POLH: variants seen among roughly 807,000 people sequenced by gnomAD.
POLH encodes DNA polymerase eta transcript.
Under a neutral mutation model 73.6 loss-of-function variants are expected in POLH, and 53 were observed. The ratio of observed to expected loss-of-function variants is 0.72; its 90% CI spans 0.58 to 0.91. The LOEUF is 0.91. Ranked by LOEUF, POLH falls within the 40% of genes least tolerant of loss-of-function variation. POLH has a pLI of 0.00. For missense variants in POLH, 768 were observed against 865.4 expected (o/e 0.89, Z 1.41); for synonymous variants, 292 against 308.5 (o/e 0.95, Z 0.56).
chr6:43,603,320 A>G (rs1766941675), intron 6 of POLH, among the ~76,000 whole-genome samples: 1 of 152,000 alleles, frequency 6.6e-6, no homozygotes, highest in South Asian at 2.1e-4. Flanking sequence ...TTGTTGAGAC[A>G]GGGTTTCGCC....
chr6:43,597,880 T>C lies in POLH; in HGVS notation c.660+15T>C. 2.5e-6 allele frequency: 4 copies of C among 1,600,412 alleles called. No homozygotes were observed. The highest frequency in any genetic ancestry group is 2.6e-6 in the Non-Finnish European group (3 of 1,167,626). ...CACACAATAAGGTGAAGGCTAATAG[T>C]AGATTTCAAAGAGAAACATTGATAT... is the stretch of plus-strand genomic sequence containing the variant. On this transcript the variant is annotated intron_variant, in intron 5 of 10. Transcript: ENST00000372236.
At chr6:43,594,808 G>T (rs1279800016) in intron 4 of POLH, among the ~76,000 whole-genome samples, 2 of 152,208 alleles carry the variant, frequency 1.3e-5, no homozygotes, top group Non-Finnish European at 2.9e-5. Context: ...AAGTCACATG[G>T]TCAGTAGGTT....
intron 1 of POLH, among the ~76,000 whole-genome samples, chr6:43,580,983 CG>C (rs1582267140): frequency 7.5e-6 from 1 of 132,536 alleles, no homozygotes; most frequent in African/African-American, 3.2e-5. Flanking sequence ...GCTGGCCGGG[CG>C]GGGGGCTGAC....
At chr6:43,607,861 C>T (rs1040144026) in intron 9 of POLH, among the ~76,000 whole-genome samples, 2 of 152,092 alleles carry the variant, frequency 1.3e-5, no homozygotes, top group African/African-American at 4.8e-5. Context: ...AATCCTGTTC[C>T]TGGGCCGGGC....
chr6:43,584,146 A>C (rs1373043254), intron 3 of POLH, among the ~76,000 whole-genome samples: 1 of 152,184 alleles, frequency 6.6e-6, no homozygotes, highest in Non-Finnish European at 1.5e-5. Context: ...CTGTCTCAAG[A>C]AAGAGAAAAG....
intron 10 of POLH, 59 bp from the exon 11 acceptor site, chr6:43,613,601 A>T: frequency 7.7e-7 from 1 of 1,303,506 alleles, no homozygotes; most frequent in Non-Finnish European, 1.1e-6. Context: ...AATTAGCAAT[A>T]GGTCACTATT....
At chr6:43,584,772 TTTGA>T (rs1764620719) in intron 3 of POLH, among the ~76,000 whole-genome samples, 1 of 152,166 alleles carries the variant, frequency 6.6e-6, no homozygotes, top group South Asian at 2.1e-4. Context: ...CCTCTTTGGA[TTTGA>T]TTAATTTGCT....
Position 43,582,298 on chromosome 6 carries a change from TA to T in POLH, c.-4-14del, listed in dbSNP as rs1227476314. The stretch of plus-strand genomic sequence containing the variant: ...GATTAGGTGTTTTTCTAACTGTCCA[TA>T]AAATGTTGTGTTACAGAAAAATGGC... On this transcript the variant is annotated splice_polypyrimidine_tract_variant and intron_variant, in intron 1 of 10. Coordinates refer to ENST00000372236, the MANE Select transcript of POLH (RefSeq NM_006502.3). 3.1e-6 allele frequency: 5 copies of T among 1,612,842 alleles called. No individual in the cohort carries two copies. Among genetic ancestry groups the T allele is most frequent in the Non-Finnish European group, 4.2e-6 (5 of 1,178,900 alleles).
At position 43,601,003 on chromosome 6, in the gene POLH, G is replaced by A; in HGVS notation, c.676G>A (p.Ala226Thr). 2.5e-6 allele frequency: 4 copies of A among 1,613,892 alleles called. No homozygotes were observed. The highest frequency in any genetic ancestry group is 4.5e-5 in the East Asian group (2 of 44,878). ...ISHNKVLAKL[A>T]CGLNKPNRQT... is the part of the protein sequence containing the mutation. ...ATGCTTCCAGGTCCTGGCAAAACTG[G>A]CCTGTGGACTAAACAAGCCCAACCG... The change falls in exon 6 of 11, where the codon GCC becomes ACC. Residue 226 changes from alanine (A) to threonine (T), a missense_variant. Physicochemically the swap from Ala to Thr is moderately conservative, Grantham distance 58 (BLOSUM62 0). Coordinates refer to ENST00000372236, the MANE Select transcript of POLH (RefSeq NM_006502.3).
intron 4 of POLH, among the ~76,000 whole-genome samples, chr6:43,594,003 T>A (rs1221385868): frequency 6.6e-6 from 1 of 152,006 alleles, no homozygotes; most frequent in Non-Finnish European, 1.5e-5. Context: ...AAAACCAAAA[T>A]TTTATAGATT....
chr6:43,616,084 C>G lies in POLH; in HGVS notation c.*1527C>G, dbSNP rs970925675. ...CGGGCGGATCACAAGGTCAGGAGAT[C>G]GAGACCACGGTGAAACCCCGTCTCT... On this transcript the variant is annotated 3_prime_UTR_variant, in exon 11 of 11. Transcript: ENST00000372236. 1.3e-5 allele frequency among the ~76,000 whole-genome samples: 2 copies of G among 151,744 alleles called. No homozygotes were observed. The highest frequency in any genetic ancestry group is 4.8e-5 in the African/African-American group (2 of 41,360).
intron 3 of POLH, among the ~76,000 whole-genome samples, chr6:43,585,227 C>T (rs1326203478): frequency 6.6e-6 from 1 of 152,166 alleles, no homozygotes; most frequent in Non-Finnish European, 1.5e-5. Flanking sequence ...CATGCCCTCC[C>T]TGGGTGAGCC....
chr6:43,604,000 G>A lies in POLH; in HGVS notation c.873G>A (p.Gly291=), dbSNP rs774548313. The part of the protein sequence containing the change: ...FTESQLQSHF[G]EKNGSWLYAM... ...AATCCCAGCTCCAGAGTCATTTTGG[G>A]GAGAAGAATGGGTAAGTGATTCATT... is the stretch of plus-strand genomic sequence containing the variant. The change falls in exon 7 of 11, where the codon GGG becomes GGA. Residue 291 remains glycine (G), a synonymous_variant. Coordinates refer to ENST00000372236, the MANE Select transcript of POLH (RefSeq NM_006502.3). The A allele has an allele frequency of 3.7e-6, 6 of 1,612,982 alleles. No homozygotes were observed. The South Asian group carries it at 5.5e-5, about 15-fold the overall frequency.
chr6:43,581,315 T>C (rs1431681556), intron 1 of POLH, among the ~76,000 whole-genome samples: 11 of 141,542 alleles, frequency 7.8e-5, no homozygotes, highest in African/African-American at 3.1e-4. Flanking sequence ...GCAGAGACGC[T>C]CCTCACTTCC....
At chr6:43,608,518 T>C (rs1767539556) in intron 9 of POLH, among the ~76,000 whole-genome samples, 2 of 152,178 alleles carry the variant, frequency 1.3e-5, no homozygotes, top group Admixed American at 1.3e-4. Flanking sequence ...CTGGGGCCTT[T>C]CTTTCCACTT....
intron 3 of POLH, 74 bp from the exon 4 acceptor site, chr6:43,587,198 G>C (rs1314283383): frequency 8.7e-6 from 9 of 1,033,966 alleles, no homozygotes; most frequent in Admixed American, 5.1e-5. Flanking sequence ...CATTATGGCA[G>C]GGTGGGAGTG....
At chr6:43,607,719 TACTG>T (rs1446195949) in intron 9 of POLH, among the ~76,000 whole-genome samples, 9 of 152,204 alleles carry the variant, frequency 5.9e-5, no homozygotes, top group Admixed American at 2.6e-4. Flanking sequence ...ACATCCTTGT[TACTG>T]ACTTTTTAAA....
chr6:43,618,842 G>A lies in POLH; in HGVS notation c.*4285G>A, dbSNP rs1768518056. Among the ~76,000 whole-genome samples, 1 of 151,594 alleles carries A rather than the reference G, an allele frequency of 6.6e-6. No homozygotes were observed. The highest frequency in any genetic ancestry group is 2.1e-4 in the South Asian group (1 of 4,790). On this transcript the variant is annotated 3_prime_UTR_variant, in exon 11 of 11. Transcript: ENST00000372236. ...GATGGGGTTTCGCCACGTTGGCCAG[G>A]CTGGTCTTGAACTCTTGATCTCAAG...
At position 43,617,614 on chromosome 6, in the gene POLH, G is replaced by A. The variant is rs1366562721; in HGVS notation, c.*3057G>A. 6.7e-6 allele frequency among the ~76,000 whole-genome samples: 1 copy of A among 149,302 alleles called. No individual in the cohort carries two copies. Among genetic ancestry groups the A allele is most frequent in the Non-Finnish European group, 1.5e-5 (1 of 67,564 alleles). On this transcript the variant is annotated 3_prime_UTR_variant, in exon 11 of 11. Transcript: ENST00000372236. ...TGCACTCCAGTCTGGGCAACAGAGT[G>A]ACACTGTTTAAAAAAAAAAAAATTC...
Sources: gnomAD v4.1 joint callset for allele counts (sites outside exome capture counted in the v4.1 genomes callset) on GRCh38, gnomAD v4.1.1 for gene constraint, MANE v1.5 for transcripts, NCBI Gene and HGNC (gene_info 2026-07-23, HGNC 2026-07-21) for gene names.